The following ZFHX3 variants were observed in gnomAD, a reference collection of about 807,000 sequenced individuals.
ZFHX3 encodes the protein zinc finger homeobox protein 3.
ZFHX3 carries 42 observed loss-of-function variants against 279.1 expected under a neutral mutation model. That is an observed-to-expected ratio of 0.15 (90% CI 0.12 to 0.19). The LOEUF is 0.19. ZFHX3 is among the 10% of genes least tolerant of loss of function. The probability of loss-of-function intolerance (pLI) is 1.00; values close to 1 mark genes in which losing one functional copy is unlikely to be tolerated. For missense variants in ZFHX3, 4,981 were observed against 4,754.0 expected (o/e 1.05, Z -1.40); for synonymous variants, 2,293 against 1,957.8 (o/e 1.17, Z -4.52).
intron 1 of ZFHX3, among the ~76,000 whole-genome samples, chr16:73,790,292 C>T (rs367576414): frequency 1.1e-4 from 17 of 149,970 alleles, no homozygotes; most frequent in East Asian, 9.7e-4. Context: ...TTTTGGAAAC[C>T]GTCATTATAG....
intron 7 of ZFHX3, among the ~76,000 whole-genome samples, chr16:73,108,280 G>A (rs1426800725): frequency 2.6e-5 from 4 of 151,928 alleles, no homozygotes; most frequent in African/African-American, 9.7e-5. Context: ...GCTGCAGTGA[G>A]TGGTGATCAT....
Position 73,634,435 on chromosome 16 carries a change from TATATATA to T in ZFHX3, c.-1547+45738_-1547+45744del, listed in dbSNP as rs1567538501. On this transcript the variant is annotated intron_variant, in intron 2 of 17. Transcript: ENST00000641206. ...CAACTCAACCAGTTATTATGTATAA[TATATATA>T]TATATATATATATATATATAAAATA... Among the ~76,000 whole-genome samples the T allele has an allele frequency of 6.9e-5, 9 of 130,610 alleles. No homozygotes were observed. In the East Asian group the frequency reaches 8.1e-4, roughly 12 times the overall value. 85.7% of individuals were successfully genotyped at this position (130,610 alleles called of 152,430 possible).
chr16:73,376,974 C>CTT lies in ZFHX3; in HGVS notation c.-1290-58640_-1290-58639dup, dbSNP rs11399068. Among the ~76,000 whole-genome samples the CTT allele has an allele frequency of 8.7e-3, 1,208 of 139,636 alleles. 21 individuals are homozygous for CTT. The highest frequency in any genetic ancestry group is 0.025 in the African/African-American group (932 of 37,304). 91.6% of individuals were successfully genotyped at this position (139,636 alleles called of 152,430 possible). ...AGAAACATTTTCACTATCATGACTG[C>CTT]TTTTTTTTTTTTTTTGAGAGACAGA... On this transcript the variant is annotated intron_variant, in intron 3 of 17. Coordinates refer to the ZFHX3 transcript ENST00000641206.
rs182989848 is a variant in ZFHX3 at position 73,838,723 on chromosome 16, A to C, written c.-1608+52928T>G. On this transcript the variant is annotated intron_variant, in intron 1 of 17. Coordinates refer to the ZFHX3 transcript ENST00000641206. ...TGATTTAGTGAGGTTCTGCAAGTCAACTGCTACTGTGTGTGTGTGCGCACA... is the reference window on the plus strand; with the variant it reads ...TGATTTAGTGAGGTTCTGCAAGTCACCTGCTACTGTGTGTGTGTGCGCACA... 1.6e-4 allele frequency among the ~76,000 whole-genome samples: 24 copies of C among 151,880 alleles called. 1 individual carries two copies. The East Asian group carries it at 4.3e-3, about 27-fold the overall frequency.
At position 73,662,250 on chromosome 16, in the gene ZFHX3, C is replaced by T. The variant is rs928727691; in HGVS notation, c.-1547+17930G>A. On this transcript the variant is annotated intron_variant, in intron 2 of 17. Coordinates refer to the ZFHX3 transcript ENST00000641206. The stretch of plus-strand genomic sequence containing the variant: ...TTATAACCAATTATTAGCACTTTTG[C>T]GCAAGTGTAAAGCCTTTTCCCAGAT... Among the ~76,000 whole-genome samples, 11 of 152,240 alleles carry T rather than the reference C, an allele frequency of 7.2e-5. No homozygotes were observed. In the East Asian group the frequency reaches 1.2e-3, roughly 16 times the overall value.
chr16:73,265,703 G>C (rs2013955401), intron 4 of ZFHX3, among the ~76,000 whole-genome samples: 1 of 152,162 alleles, frequency 6.6e-6, no homozygotes, highest in Non-Finnish European at 1.5e-5. Flanking sequence ...TCCCTGGCCA[G>C]TTTTCTGTCC....
chr16:73,627,312 G>C lies in ZFHX3; in HGVS notation c.-1547+52868C>G, dbSNP rs1013175045. Reference sequence around the variant, plus strand: ...AGGTTGGCAGCAGCCATATTATGAAGAGTCTCATTTGCTAAGCTCAGGAAA... The same window carrying C: ...AGGTTGGCAGCAGCCATATTATGAACAGTCTCATTTGCTAAGCTCAGGAAA... On this transcript the variant is annotated intron_variant, in intron 2 of 17. Coordinates refer to the ZFHX3 transcript ENST00000641206. 1.5e-4 allele frequency among the ~76,000 whole-genome samples: 23 copies of C among 152,180 alleles called. 1 individual carries two copies.
At chr16:73,162,570 C>T (rs1001650336) in intron 5 of ZFHX3, among the ~76,000 whole-genome samples, 7 of 152,032 alleles carry the variant, frequency 4.6e-5, no homozygotes, top group African/African-American at 7.2e-5. Context: ...TTATGTATTC[C>T]AATGTCATAA....
chr16:73,457,039 G>A (rs1002658893), intron 2 of ZFHX3, among the ~76,000 whole-genome samples: 3 of 152,296 alleles, frequency 2.0e-5, no homozygotes, highest in East Asian at 3.9e-4. Flanking sequence ...TGATTACTTT[G>A]GTTAGAAATG....
chr16:73,819,106 A>T (rs1960662417), intron 1 of ZFHX3, among the ~76,000 whole-genome samples: 1 of 152,060 alleles, frequency 6.6e-6, no homozygotes, highest in Non-Finnish European at 1.5e-5. Context: ...TGGAGCTAGT[A>T]ATTGCTATGC....
intron 3 of ZFHX3, among the ~76,000 whole-genome samples, chr16:73,326,633 G>A (rs2015695295): frequency 6.7e-6 from 1 of 150,170 alleles, no homozygotes; most frequent in Non-Finnish European, 1.5e-5. Context: ...GGGTGTAACT[G>A]ATAATGGGGA....
chr16:73,745,949 T>A (rs899424351), intron 1 of ZFHX3, among the ~76,000 whole-genome samples: 10 of 152,228 alleles, frequency 6.6e-5, no homozygotes, highest in African/African-American at 2.2e-4. Context: ...TTTACCCTTT[T>A]GGCACAGGAC....
chr16:73,338,676 C>T (rs1202977532), intron 3 of ZFHX3, among the ~76,000 whole-genome samples: 3 of 152,126 alleles, frequency 2.0e-5, no homozygotes, highest in Non-Finnish European at 4.4e-5. Flanking sequence ...TATGTTTCTG[C>T]CTCTCTGATT....
intron 3 of ZFHX3, among the ~76,000 whole-genome samples, chr16:73,359,800 T>C (rs1479838443): frequency 6.6e-6 from 1 of 152,250 alleles, no homozygotes; most frequent in African/African-American, 2.4e-5. Flanking sequence ...GGAACATTGA[T>C]TTCCGCCCTG....
chr16:73,098,546 G>C (rs921172033), intron 7 of ZFHX3, among the ~76,000 whole-genome samples: 2 of 152,150 alleles, frequency 1.3e-5, no homozygotes, highest in African/African-American at 4.8e-5. Context: ...ATCTTTAGTA[G>C]AGATGGGGTT....
chr16:73,676,121 A>G (rs376425886), intron 2 of ZFHX3, among the ~76,000 whole-genome samples: 1 of 152,256 alleles, frequency 6.6e-6, no homozygotes. Context: ...TCATATCGAG[A>G]ACAGTGAAAC....
rs114586061 is a variant in ZFHX3, at chr16:73,662,262, G to T, written c.-1547+17918C>A. On this transcript the variant is annotated intron_variant, in intron 2 of 17. Coordinates refer to the ZFHX3 transcript ENST00000641206. ...ATTAGCACTTTTGCGCAAGTGTAAAGCCTTTTCCCAGATTTTTTTGGCTTC... is the reference window on the plus strand; with the variant it reads ...ATTAGCACTTTTGCGCAAGTGTAAATCCTTTTCCCAGATTTTTTTGGCTTC... Among the ~76,000 whole-genome samples, 1,445 of 152,194 alleles carry T rather than the reference G, an allele frequency of 9.5e-3. 25 individuals carry two copies. Among genetic ancestry groups the T allele is most frequent in the African/African-American group, 0.032 (1,332 of 41,526 alleles).
At chr16:73,533,163 A>G (rs766200736) in intron 2 of ZFHX3, among the ~76,000 whole-genome samples, 1 of 151,736 alleles carries the variant, frequency 6.6e-6, no homozygotes, top group Non-Finnish European at 1.5e-5. Flanking sequence ...TGACTATGAC[A>G]TTTTCTCGTT....
chr16:72,994,815 A>G (rs1249750521), intron 1 of ZFHX3, among the ~76,000 whole-genome samples: 2 of 152,248 alleles, frequency 1.3e-5, no homozygotes, highest in East Asian at 3.9e-4. Context: ...GGTGTTTCCT[A>G]AAATTATTCT....
Sources: allele counts gnomAD v4.1 joint callset (sites outside exome capture counted in the v4.1 genomes callset), GRCh38; gene constraint gnomAD v4.1.1; transcripts MANE v1.5; gene names NCBI Gene and HGNC (gene_info 2026-07-23, HGNC 2026-07-21).